The following ZNF385D variants were observed in gnomAD, a reference collection of about 807,000 sequenced individuals.
The protein encoded by ZNF385D is zinc finger protein 385D, also known as zinc finger protein 659.
Under a neutral mutation model 35.8 loss-of-function variants are expected in ZNF385D, and 15 were observed. The observed-to-expected ratio is 0.42, with a 90% CI of 0.28 to 0.64. ZNF385D has a LOEUF of 0.64. Ranked by LOEUF, ZNF385D falls within the 30% of genes least tolerant of loss-of-function variation. The pLI is 0.23. For synonymous variants in ZNF385D, 212 were observed against 186.8 expected (o/e 1.13, Z -1.10); for missense variants, 474 against 494.6 (o/e 0.96, Z 0.39).
intron 3 of ZNF385D, among the ~76,000 whole-genome samples, chr3:22,117,518 A>T (rs1202762372): frequency 6.6e-6 from 1 of 152,052 alleles, no homozygotes; most frequent in Non-Finnish European, 1.5e-5. Flanking sequence ...GCATGAAATG[A>T]TTAAATAACA....
intron 4 of ZNF385D, among the ~76,000 whole-genome samples, chr3:21,444,405 G>A (rs1702034666): frequency 8.4e-6 from 1 of 118,652 alleles, no homozygotes; most frequent in Non-Finnish European, 1.7e-5. Flanking sequence ...TTTTTTTTGA[G>A]ATGGAGCCTC....
intron 3 of ZNF385D, among the ~76,000 whole-genome samples, chr3:22,135,622 C>A (rs1704055787): frequency 1.3e-5 from 2 of 152,134 alleles, no homozygotes; most frequent in African/African-American, 2.4e-5. Context: ...ATTTAATAAG[C>A]TGACTCTACA....
rs144213547 is a variant in ZNF385D, at chr3:22,141,357, A to G, written c.325+27460T>C. 3.7e-3 allele frequency among the ~76,000 whole-genome samples: 562 copies of G among 152,328 alleles called. 6 individuals are homozygous for G. Among genetic ancestry groups the G allele is most frequent in the Non-Finnish European group, 5.9e-3 (401 of 68,026 alleles). On this transcript the variant is annotated intron_variant, in intron 3 of 5. Transcript: ENST00000494108. The stretch of plus-strand genomic sequence containing the variant: ...ATCATCTTATAAATAGAGCAAAATG[A>G]CACAAAAATACATAACTTCATTTGA...
intron 2 of ZNF385D, among the ~76,000 whole-genome samples, chr3:22,359,529 G>A (rs976399677): frequency 1.3e-5 from 2 of 151,754 alleles, no homozygotes; most frequent in Non-Finnish European, 1.5e-5. Flanking sequence ...ACCCTTTTAG[G>A]TTCCCCATAT....
chr3:22,297,017 G>A (rs1702621084), intron 2 of ZNF385D, among the ~76,000 whole-genome samples: 1 of 152,066 alleles, frequency 6.6e-6, no homozygotes, highest in African/African-American at 2.4e-5. Context: ...TATAAGTGGA[G>A]GCCCTCATAC....
intron 3 of ZNF385D, among the ~76,000 whole-genome samples, chr3:22,106,811 C>G (rs1056661735): frequency 5.3e-5 from 8 of 152,116 alleles, no homozygotes; most frequent in African/African-American, 1.9e-4. Flanking sequence ...AATCTTGGAT[C>G]AGTATCAGCA....
At chr3:21,678,806 A>G (rs1054041323) in intron 1 of ZNF385D, among the ~76,000 whole-genome samples, 2 of 152,122 alleles carry the variant, frequency 1.3e-5, no homozygotes, top group African/African-American at 4.8e-5. Context: ...AGTTTTCAAA[A>G]GTCATTATGC....
At chr3:21,544,947 C>T (rs1043746113) in intron 3 of ZNF385D, among the ~76,000 whole-genome samples, 2 of 152,132 alleles carry the variant, frequency 1.3e-5, no homozygotes, top group Non-Finnish European at 2.9e-5. Flanking sequence ...GATTATTTGA[C>T]GTGTTCACGT....
intron 4 of ZNF385D, among the ~76,000 whole-genome samples, chr3:21,469,317 A>C (rs1703737416): frequency 6.6e-6 from 1 of 152,178 alleles, no homozygotes; most frequent in Non-Finnish European, 1.5e-5. Context: ...GATTTCACCA[A>C]GGTAAATGTC....
rs554744690 is a variant in ZNF385D, at chr3:21,708,922, T to C, written c.22+41973A>G. Among the ~76,000 whole-genome samples, 26 of 152,152 alleles carry C rather than the reference T, an allele frequency of 1.7e-4. 1 individual carries two copies. In the South Asian group the frequency reaches 5.0e-3, roughly 29 times the overall value. On this transcript the variant is annotated intron_variant, in intron 1 of 7. Coordinates refer to ENST00000281523, the MANE Select transcript of ZNF385D (RefSeq NM_024697.3). ...AATAATATACTGATCTTAATGTCCT[T>C]ACTAAAACTTAACTATCATAAGGCA... is the stretch of plus-strand genomic sequence containing the variant.
intron 3 of ZNF385D, among the ~76,000 whole-genome samples, chr3:21,902,651 C>T (rs1479121206): frequency 6.6e-6 from 1 of 152,080 alleles, no homozygotes; most frequent in African/African-American, 2.4e-5. Context: ...TTTCTTAAGT[C>T]ACTATTTTTA....
At chr3:21,821,207 AG>A (rs1273031397) in intron 3 of ZNF385D, among the ~76,000 whole-genome samples, 1 of 152,062 alleles carries the variant, frequency 6.6e-6, no homozygotes, top group African/African-American at 2.4e-5. Context: ...ATTACAGAAA[AG>A]TCTCACTCAT....
In ZNF385D at chr3:21,783,074, A is replaced by G. The variant is rs143996887; in HGVS notation, c.326-118046T>C. On this transcript the variant is annotated intron_variant, in intron 3 of 5. Coordinates refer to the ZNF385D transcript ENST00000494108. ...TCTTCACGATTGGTAACTGATCACT[A>G]CTCTCCTGATTTTTGGATCAATATT... is the stretch of plus-strand genomic sequence containing the variant. Among the ~76,000 whole-genome samples, 44 of 152,076 alleles carry G rather than the reference A, an allele frequency of 2.9e-4. No homozygotes were observed. The East Asian group carries it at 8.3e-3, about 29-fold the overall frequency.
chr3:22,329,632 C>T (rs1293925226), intron 2 of ZNF385D, among the ~76,000 whole-genome samples: 1 of 152,074 alleles, frequency 6.6e-6, no homozygotes, highest in Non-Finnish European at 1.5e-5. Context: ...TCCACCAATC[C>T]CTCTGATACT....
chr3:21,574,060 C>A (rs376247672), intron 2 of ZNF385D, among the ~76,000 whole-genome samples: 306 of 128,920 alleles, frequency 2.4e-3, no homozygotes, highest in African/African-American at 2.4e-3. Flanking sequence ...AACTCCGTCT[C>A]AAAAAAAAAA....
chr3:22,151,047 T>C (rs527329550), intron 3 of ZNF385D, among the ~76,000 whole-genome samples: 1 of 152,302 alleles, frequency 6.6e-6, no homozygotes, highest in South Asian at 2.1e-4. Flanking sequence ...ATCTTCTTTT[T>C]TAGATTCACT....
At chr3:21,960,022 CAAAAAAAA>C (rs34894053) in intron 3 of ZNF385D, among the ~76,000 whole-genome samples, 4 of 114,624 alleles carry the variant, frequency 3.5e-5, no homozygotes, top group Non-Finnish European at 5.3e-5. Flanking sequence ...GCACAGCCTC[CAAAAAAAA>C]AAAAAAAAAG....
intron 3 of ZNF385D, among the ~76,000 whole-genome samples, chr3:21,810,400 C>A (rs1390407392): frequency 6.6e-6 from 1 of 151,930 alleles, no homozygotes; most frequent in Non-Finnish European, 1.5e-5. Flanking sequence ...GGAGGGATAG[C>A]ATTAGGAGAT....
At chr3:22,322,407 A>G (rs966519553) in intron 2 of ZNF385D, among the ~76,000 whole-genome samples, 10 of 152,022 alleles carry the variant, frequency 6.6e-5, no homozygotes, top group Admixed American at 3.3e-4. Flanking sequence ...TCCAGATACT[A>G]TTTCACTGTC....
Sources: gnomAD v4.1 joint callset for allele counts (sites outside exome capture counted in the v4.1 genomes callset) on GRCh38, gnomAD v4.1.1 for gene constraint, MANE v1.5 for transcripts, NCBI Gene and HGNC (gene_info 2026-07-23, HGNC 2026-07-21) for gene names.